The following ZNF440 variants were observed in gnomAD, a reference collection of about 807,000 sequenced individuals.
ZNF440 encodes the protein zinc finger protein 440.
Under a neutral mutation model 49.7 loss-of-function variants are expected in ZNF440, and 47 were observed. The ratio of observed to expected loss-of-function variants is 0.95; its 90% CI spans 0.75 to 1.21. The LOEUF (loss-of-function observed/expected upper bound fraction) is 1.21, where lower values mean the gene tolerates loss of function less well. ZNF440 is among the 50% of genes most tolerant of loss of function. The pLI, the probability that ZNF440 is intolerant of heterozygous loss-of-function variation, is 0.00. For synonymous variants in ZNF440, 255 were observed against 237.7 expected (o/e 1.07, Z -0.67); for missense variants, 703 against 715.0 (o/e 0.98, Z 0.19).
At position 11,830,660 on chromosome 19, in the gene ZNF440, C is replaced by T. The variant is rs753985124; in HGVS notation, c.174C>T (p.Asn58=). The change falls in exon 3 of 4, where the codon AAC becomes AAT. Residue 58 remains asparagine, a synonymous_variant. Coordinates refer to ENST00000304060, the MANE Select transcript of ZNF440 (RefSeq NM_152357.3). ...KDQNIEYEHQ[N]PRRNFRSLIE... is the part of the protein sequence containing the mutation. ...AGAACATTGAATATGAGCACCAAAACCCCAGGAGAAACTTCAGGTAATTTG... is the reference window on the plus strand; with the variant it reads ...AGAACATTGAATATGAGCACCAAAATCCCAGGAGAAACTTCAGGTAATTTG... The T allele has an allele frequency of 4.3e-6, 7 of 1,613,754 alleles. No individual in the cohort carries two copies. Among genetic ancestry groups the T allele is most frequent in the Non-Finnish European group, 2.5e-6 (3 of 1,179,950 alleles).
At chr19:11,827,841 G>A (rs998637075) in intron 1 of ZNF440, among the ~76,000 whole-genome samples, 1 of 152,088 alleles carries the variant, frequency 6.6e-6, no homozygotes, top group African/African-American at 2.4e-5. Flanking sequence ...GTCTCGAACT[G>A]CGGGGCTCAA....
At chr19:11,822,112 G>A (rs1050708184) in intron 1 of ZNF440, among the ~76,000 whole-genome samples, 7 of 152,174 alleles carry the variant, frequency 4.6e-5, no homozygotes, top group Non-Finnish European at 8.8e-5. Flanking sequence ...CTGTGAAGTC[G>A]CACTGTGATT....
rs1274062555 is a variant in ZNF440 at position 11,834,100 on chromosome 19, C to T, written c.*1136C>T. The T allele has an allele frequency of 6.9e-6, 2 of 289,658 alleles. No homozygotes were observed. Among genetic ancestry groups the T allele is most frequent in the Non-Finnish European group, 1.4e-5 (2 of 148,126 alleles). The allele number at this position is 289,658 out of a possible 1,614,324, so 17.9% of individuals were successfully genotyped here. On this transcript the variant is annotated 3_prime_UTR_variant, in exon 4 of 4. Coordinates refer to ENST00000304060, the MANE Select transcript of ZNF440 (RefSeq NM_152357.3). Reference sequence around the variant, plus strand: ...TTTACTTTTCATGCTTCTGTACTTACATTTTTATCTCAACCTTAATTTTTC... The same window carrying T: ...TTTACTTTTCATGCTTCTGTACTTATATTTTTATCTCAACCTTAATTTTTC...
Position 11,832,341 on chromosome 19 carries a change from A to T in ZNF440, c.1165A>T (p.Thr389Ser). 2 of 1,614,128 alleles carry T rather than the reference A, an allele frequency of 1.2e-6. No homozygotes were observed. Among genetic ancestry groups the T allele is most frequent in the Non-Finnish European group, 1.7e-6 (2 of 1,180,022 alleles). The change falls in exon 4 of 4, where the codon ACT (threonine) becomes TCT (serine). Residue 389 changes from threonine to serine, a missense_variant. Coordinates refer to ENST00000304060, the MANE Select transcript of ZNF440 (RefSeq NM_152357.3). ...HSSSLRYHER[T>S]HTGEKPYECK... ...CAGTTCCCTTCGATATCATGAAAGG[A>T]CTCACACTGGAGAGAAACCCTATGA... is the stretch of plus-strand genomic sequence containing the variant.
chr19:11,831,301 T>C, intron 3 of ZNF440, 67 bp from the exon 4 acceptor site: 8 of 1,544,176 alleles, frequency 5.2e-6, no homozygotes, highest in Non-Finnish European at 7.0e-6. Flanking sequence ...GCAAGTGCAA[T>C]ACTTGTTGAT....
intron 1 of ZNF440, among the ~76,000 whole-genome samples, chr19:11,822,093 GCAC>G (rs1470143569): frequency 6.6e-6 from 1 of 152,222 alleles, no homozygotes; most frequent in Non-Finnish European, 1.5e-5. Flanking sequence ...GAGCAAGCAG[GCAC>G]TAGTTCTGTG....
rs757480432 is a variant in ZNF440, at chr19:11,831,759, A to G, written c.583A>G (p.Ser195Gly). ...SSVRRHMVMHSGDGPYKCKFC... is the reference protein window; with the variant it reads ...SSVRRHMVMHGGDGPYKCKFC... ...TGTTCGAAGACACATGGTAATGCAC[A>G]GTGGGGATGGACCTTATAAATGTAA... The change falls in exon 4 of 4, where the codon AGT (serine) becomes GGT (glycine). Residue 195 changes from serine (S) to glycine (G), a missense_variant. By Grantham distance (56) the Ser-to-Gly change is moderately conservative. Coordinates refer to ENST00000304060, the MANE Select transcript of ZNF440 (RefSeq NM_152357.3). 3 of 1,614,170 alleles carry G rather than the reference A, an allele frequency of 1.9e-6. No individual in the cohort carries two copies. The highest frequency in any genetic ancestry group is 2.5e-6 in the Non-Finnish European group (3 of 1,180,016).
intron 1 of ZNF440, chr19:11,816,819 T>G (rs1487607022): frequency 6.6e-6 from 1 of 152,200 alleles, no homozygotes; most frequent in Non-Finnish European, 1.5e-5. Context: ...TTAGTAGAGA[T>G]GGGGTTTCAC....
chr19:11,814,522 G>A, intron 1 of ZNF440, 72 bp downstream of exon 1: 1 of 1,394,282 alleles, frequency 7.2e-7, no homozygotes, highest in Non-Finnish European at 9.4e-7. Flanking sequence ...GCTGAGGCGG[G>A]ACCCGGGCCT....
At chr19:11,829,617 A>G (rs1272932737) in intron 1 of ZNF440, among the ~76,000 whole-genome samples, 4 of 152,106 alleles carry the variant, frequency 2.6e-5, no homozygotes, top group Admixed American at 2.6e-4. Context: ...GGGTTCGGTA[A>G]ATACATTTCC....
chr19:11,832,135 C>T lies in ZNF440; in HGVS notation c.959C>T (p.Ala320Val). The change falls in exon 4 of 4, where the codon GCA becomes GTA. Residue 320 changes from alanine to valine, a missense_variant. Coordinates refer to ENST00000304060, the MANE Select transcript of ZNF440 (RefSeq NM_152357.3). ...NLYECKQCGKALSSLTSFQTH... is the reference protein window; with the variant it reads ...NLYECKQCGKVLSSLTSFQTH... ...TATGAATGTAAGCAGTGTGGGAAAG[C>T]ATTATCCTCTCTTACAAGTTTTCAA... 1 of 1,614,202 alleles carries T rather than the reference C, an allele frequency of 6.2e-7. No individual in the cohort carries two copies. Among genetic ancestry groups the T allele is most frequent in the Admixed American group, 1.7e-5 (1 of 60,022 alleles).
At chr19:11,827,298 G>A (rs918612259) in intron 1 of ZNF440, among the ~76,000 whole-genome samples, 17 of 152,014 alleles carry the variant, frequency 1.1e-4, no homozygotes, top group South Asian at 2.1e-4. Context: ...TCCTGACCTC[G>A]GTGATCCACC....
chr19:11,822,074 G>T (rs1975806772), intron 1 of ZNF440, among the ~76,000 whole-genome samples: 1 of 152,242 alleles, frequency 6.6e-6, no homozygotes, highest in South Asian at 2.1e-4. Context: ...GTTGTTTCTG[G>T]TGGATTTAGA....
chr19:11,827,869 G>A (rs1278843314), intron 1 of ZNF440, among the ~76,000 whole-genome samples: 1 of 151,686 alleles, frequency 6.6e-6, no homozygotes, highest in Non-Finnish European at 1.5e-5. Flanking sequence ...GTCCGCCTTG[G>A]CCTCCAGCTT....
chr19:11,825,398 T>C (rs200416897), intron 1 of ZNF440, among the ~76,000 whole-genome samples: 41 of 152,300 alleles, frequency 2.7e-4, no homozygotes, highest in East Asian at 1.9e-3. Context: ...CACAGTCTTA[T>C]AGAGAAGTGT....
rs144283212 is a variant in ZNF440, at chr19:11,823,728, C to T, written c.4-6555C>T. On this transcript the variant is annotated intron_variant, in intron 1 of 3. Coordinates refer to ENST00000304060, the MANE Select transcript of ZNF440 (RefSeq NM_152357.3). ...CCTGTAATCCCAATATTTGGGAGGC[C>T]GAGGTGGGTGGATCACCTGAGGTCA... Among the ~76,000 whole-genome samples the T allele has an allele frequency of 4.0e-3, 601 of 152,088 alleles. 21 individuals carry two copies. The East Asian group carries it at 0.077, about 19-fold the overall frequency.
Position 11,831,959 on chromosome 19 carries a change from T to G in ZNF440, c.783T>G (p.Cys261Trp), listed in dbSNP as rs1462778433. The G allele has an allele frequency of 1.9e-6, 3 of 1,613,950 alleles. No individual in the cohort carries two copies. Among genetic ancestry groups the G allele is most frequent in the South Asian group, 2.2e-5 (2 of 91,070 alleles). The change falls in exon 4 of 4, where the codon TGT (cysteine) becomes TGG (tryptophan). Residue 261 changes from cysteine (C) to tryptophan (W), a missense_variant. By Grantham distance (215) the Cys-to-Trp change is radical. Transcript: ENST00000304060. ...AAAAGCCTTATGAATATCAGGAGTG[T>G]GGGAAAGCATTTCATAGTCCCAGAT... ...TGEKPYEYQE[C>W]GKAFHSPRSY...
Position 11,834,129 on chromosome 19 carries a change from C to CTT in ZNF440, c.*1175_*1176dup. The CTT allele has an allele frequency of 1.6e-4, 41 of 260,236 alleles. No homozygotes were observed. The highest frequency in any genetic ancestry group is 2.0e-4 in the Non-Finnish European group (27 of 133,328). 16.1% of individuals were successfully genotyped at this position (260,236 alleles called of 1,614,324 possible). On this transcript the variant is annotated 3_prime_UTR_variant, in exon 4 of 4. Transcript: ENST00000304060. ...TTTATCTCAACCTTAATTTTTCTTT[C>CTT]TTTTTTTTTTTCCCCCAGAAAGAAT... is the stretch of plus-strand genomic sequence containing the variant.
chr19:11,826,792 T>G (rs1178386815), intron 1 of ZNF440, among the ~76,000 whole-genome samples: 1 of 151,454 alleles, frequency 6.6e-6, no homozygotes. Flanking sequence ...GACTCCCGAA[T>G]AGCTGGGATT....
Sources: allele counts gnomAD v4.1 joint callset (sites outside exome capture counted in the v4.1 genomes callset), GRCh38; gene constraint gnomAD v4.1.1; transcripts MANE v1.5; gene names NCBI Gene and HGNC (gene_info 2026-07-23, HGNC 2026-07-21).